The following SYT16 variants were observed in gnomAD, a reference collection of about 807,000 sequenced individuals.
SYT16 encodes synaptotagmin 16, also known as synaptotagmin-16.
A neutral mutation model predicts 61.4 loss-of-function variants in SYT16; 42 were observed. That is an observed-to-expected ratio of 0.68 (90% CI 0.53 to 0.89). SYT16 has a LOEUF of 0.89. SYT16 is among the 40% of genes least tolerant of loss of function. The pLI is 0.00. For synonymous variants in SYT16, 314 were observed against 302.3 expected, an observed-to-expected ratio of 1.04 and a Z score of -0.40; for missense variants, 804 against 807.3, an observed-to-expected ratio of 1.00 and a Z score of 0.05.
chr14:62,062,572 C>T (rs1466491791), intron 3 of SYT16, among the ~76,000 whole-genome samples: 1 of 152,138 alleles, frequency 6.6e-6, no homozygotes, highest in African/African-American at 2.4e-5. Context: ...ATTTATAAAA[C>T]TCTTTTCCTA....
At chr14:61,985,543 G>C (rs1282361339) in intron 2 of SYT16, among the ~76,000 whole-genome samples, 2 of 152,130 alleles carry the variant, frequency 1.3e-5, no homozygotes. Context: ...TGGTTGTAGG[G>C]TATCTTTCAG....
At chr14:62,067,800 A>AAAACAAAC (rs137880362) in intron 3 of SYT16, among the ~76,000 whole-genome samples, 7,215 of 151,712 alleles carry the variant, frequency 0.048, 466 homozygotes, top group African/African-American at 0.15. Flanking sequence ...TGTCTCTACT[A>AAAACAAAC]AAACAAACAA....
chr14:61,996,255 A>G lies in SYT16; in HGVS notation c.236A>G (p.Glu79Gly), dbSNP rs2052763497. The G allele has an allele frequency of 6.2e-7, 1 of 1,613,514 alleles. No individual in the cohort carries two copies. Among genetic ancestry groups the G allele is most frequent in the African/African-American group, 1.3e-5 (1 of 74,904 alleles). The stretch of plus-strand genomic sequence containing the variant: ...GAACAAGACAATGATTGGAGTCAAG[A>G]GGATGCAAATTCCTTGTTTCTTGAA... ...DEEQDNDWSQEDANSLFLEVD... is the reference protein window; with the variant it reads ...DEEQDNDWSQGDANSLFLEVD... The change falls in exon 3 of 8, where the codon GAG becomes GGG. Residue 79 changes from glutamate to glycine, a missense_variant. Glu to Gly is a moderately conservative substitution (Grantham distance 98). Transcript: ENST00000683842.
At chr14:62,051,469 C>T (rs561639768) in intron 3 of SYT16, among the ~76,000 whole-genome samples, 193 of 152,234 alleles carry the variant, frequency 1.3e-3, no homozygotes, top group African/African-American at 4.2e-3. Context: ...GTGCGCTGCA[C>T]CCACTGTCCT....
Position 61,911,837 on chromosome 14 carries a change from C to T in SYT16, c.-324-58295C>T, listed in dbSNP as rs142006125. Among the ~76,000 whole-genome samples the T allele has an allele frequency of 7.2e-4, 110 of 152,264 alleles. No homozygotes were observed. In the Middle Eastern group the frequency reaches 0.01, roughly 14 times the overall value. On this transcript the variant is annotated intron_variant, in intron 1 of 7. Transcript: ENST00000683842. Reference sequence around the variant, plus strand: ...TGCCAAGGGAACCAGCTCCTCTGCACCTCTCAGGTGAAAGGATGTTTGATC... The same window carrying T: ...TGCCAAGGGAACCAGCTCCTCTGCATCTCTCAGGTGAAAGGATGTTTGATC...
chr14:62,083,768 C>T (rs2140981526), intron 6 of SYT16, among the ~76,000 whole-genome samples: 1 of 152,246 alleles, frequency 6.6e-6, no homozygotes, highest in East Asian at 1.9e-4. Flanking sequence ...CCTGTATTGC[C>T]ATATTCATCA....
At chr14:61,978,269 C>T (rs1212032647) in intron 2 of SYT16, among the ~76,000 whole-genome samples, 1 of 152,152 alleles carries the variant, frequency 6.6e-6, no homozygotes, top group Non-Finnish European at 1.5e-5. Context: ...CAGTGGTTTC[C>T]AATCCTTTCA....
intron 1 of SYT16, among the ~76,000 whole-genome samples, chr14:61,872,963 A>T (rs2047375603): frequency 6.6e-6 from 1 of 152,222 alleles, no homozygotes; most frequent in African/African-American, 2.4e-5. Context: ...TAGAATACAG[A>T]TGAGACTCAT....
intron 3 of SYT16, among the ~76,000 whole-genome samples, chr14:62,046,809 C>T (rs1016170969): frequency 2.0e-5 from 3 of 152,220 alleles, no homozygotes; most frequent in Non-Finnish European, 2.9e-5. Context: ...TTCCATTGGT[C>T]TATATCTCTG....
chr14:61,951,832 C>T (rs2050683276), intron 1 of SYT16, among the ~76,000 whole-genome samples: 1 of 151,982 alleles, frequency 6.6e-6, no homozygotes, highest in African/African-American at 2.4e-5. Flanking sequence ...CTCTGTTGCC[C>T]AGGATGGAGG....
At chr14:61,893,385 A>T (rs2048209296) in intron 1 of SYT16, among the ~76,000 whole-genome samples, 1 of 152,138 alleles carries the variant, frequency 6.6e-6, no homozygotes, top group East Asian at 1.9e-4. Context: ...TTCTGCTTTT[A>T]TGTGAAGCCT....
Position 61,970,329 on chromosome 14 carries a change from A to C in SYT16, c.-145+18A>C, listed in dbSNP as rs555544556. On this transcript the variant is annotated intron_variant, in intron 2 of 7. Transcript: ENST00000683842. Reference sequence around the variant, plus strand: ...GGGGCTGGGTAAGCATTATGCTTCAAATTCTCCTGGGCTTGGCAACTTGCT... The same window carrying C: ...GGGGCTGGGTAAGCATTATGCTTCACATTCTCCTGGGCTTGGCAACTTGCT... The C allele has an allele frequency of 2.6e-5, 4 of 152,366 alleles. No homozygotes were observed. In the East Asian group the frequency reaches 7.7e-4, roughly 29 times the overall value. 9.4% of individuals were successfully genotyped at this position (152,366 alleles called of 1,614,324 possible). A position where few individuals can be genotyped will look rare whatever the true frequency, so the allele number is the denominator to read the frequency against.
At chr14:61,883,615 C>T (rs2047781476) in intron 1 of SYT16, among the ~76,000 whole-genome samples, 1 of 152,172 alleles carries the variant, frequency 6.6e-6, no homozygotes, top group African/African-American at 2.4e-5. Flanking sequence ...TCATCTGAGC[C>T]CTCCAAACTG....
At chr14:61,833,425 T>A (rs1436811920) in intron 1 of SYT16, among the ~76,000 whole-genome samples, 1 of 151,876 alleles carries the variant, frequency 6.6e-6, no homozygotes, top group Non-Finnish European at 1.5e-5. Flanking sequence ...CCCGAGTAGC[T>A]GGGATTACAG....
intron 1 of SYT16, among the ~76,000 whole-genome samples, chr14:61,948,046 A>T (rs545344875): frequency 1.3e-5 from 2 of 152,170 alleles, no homozygotes; most frequent in Non-Finnish European, 2.9e-5. Context: ...TGGTAACCAA[A>T]CTGGAAAGGT....
chr14:61,828,856 C>G (rs143023380), intron 1 of SYT16, among the ~76,000 whole-genome samples: 1 of 152,192 alleles, frequency 6.6e-6, no homozygotes, highest in East Asian at 1.9e-4. Flanking sequence ...TCCTTATTCT[C>G]TCTTTAAGGC....
rs1242248714 is a variant in SYT16 at position 61,973,639 on chromosome 14, G to GTTGTT, written c.-145+3340_-145+3344dup. On this transcript the variant is annotated intron_variant, in intron 2 of 7. Coordinates refer to ENST00000683842, the MANE Select transcript of SYT16 (RefSeq NM_001367656.1). ...GGCGGGAGAGAGAAAGAATATTTCG[G>GTTGTT]TTGTTTTGTTTTGTTTGCTGCCCCC... 2.0e-5 allele frequency among the ~76,000 whole-genome samples: 3 copies of GTTGTT among 152,234 alleles called. No individual in the cohort carries two copies. The East Asian group carries it at 5.8e-4, about 29-fold the overall frequency.
At chr14:62,062,847 TTCCCG>T (rs753989607) in intron 3 of SYT16, among the ~76,000 whole-genome samples, 16 of 152,200 alleles carry the variant, frequency 1.1e-4, no homozygotes, top group Non-Finnish European at 2.1e-4. Flanking sequence ...CTGTCTCTAC[TTCCCG>T]TCTGTACGAT....
chr14:62,073,933 T>C (rs1039852724), intron 4 of SYT16, among the ~76,000 whole-genome samples: 3 of 152,218 alleles, frequency 2.0e-5, no homozygotes, highest in African/African-American at 7.2e-5. Flanking sequence ...TATTAATAGC[T>C]GAGGTATCAG....
Sources: gnomAD v4.1 joint callset for allele counts (sites outside exome capture counted in the v4.1 genomes callset) on GRCh38, gnomAD v4.1.1 for gene constraint, MANE v1.5 for transcripts, NCBI Gene and HGNC (gene_info 2026-07-23, HGNC 2026-07-21) for gene names.